The following PXK variants were observed in gnomAD, a reference collection of about 807,000 sequenced individuals.
The protein encoded by PXK is PX domain containing serine/threonine kinase like.
A neutral mutation model predicts 84.7 loss-of-function variants in PXK; 35 were observed. The observed-to-expected ratio is 0.41, with a 90% CI of 0.32 to 0.55. The LOEUF (loss-of-function observed/expected upper bound fraction) is 0.55, where lower values mean the gene tolerates loss of function less well. Among genes scored for constraint, PXK ranks in the 20% least tolerant of loss-of-function variants. PXK has a pLI of 0.21. For missense variants in PXK, 634 were observed against 699.7 expected (o/e 0.91, Z 1.06); for synonymous variants, 253 against 260.8 (o/e 0.97, Z 0.29).
At position 58,411,324 on chromosome 3, in the gene PXK, A is replaced by G. The variant is rs1223303509; in HGVS notation, c.1465+1165A>G. Among the ~76,000 whole-genome samples the G allele has an allele frequency of 6.6e-6, 1 of 152,202 alleles. No homozygotes were observed. The highest frequency in any genetic ancestry group is 1.5e-5 in the Non-Finnish European group (1 of 68,022). On this transcript the variant is annotated intron_variant, in intron 16 of 17. Transcript: ENST00000356151. This position sits in a 1 kb window ranked among gnomAD's most constrained non-coding sequence, Gnocchi z 4.2. ...CCATAAACTCCAGAAGGAGAGTGAG[A>G]GTCACATTGACACCACTGCAGAGTC... is the stretch of plus-strand genomic sequence containing the variant.
chr3:58,409,035 T>C lies in PXK; in HGVS notation c.1308+34T>C, dbSNP rs1265838729. 1.4e-6 allele frequency: 2 copies of C among 1,473,942 alleles called. No homozygotes were observed. Among genetic ancestry groups the C allele is most frequent in the Admixed American group, 1.7e-5 (1 of 58,258 alleles). The allele number at this position is 1,473,942 out of a possible 1,614,324, so 91.3% of individuals were successfully genotyped here. On this transcript the variant is annotated intron_variant, in intron 14 of 17. Transcript: ENST00000356151. This position sits in a 1 kb window ranked among gnomAD's most constrained non-coding sequence, Gnocchi z 4.2. The stretch of plus-strand genomic sequence containing the variant: ...ATAACGGTTCCTCTTTGCCTTTTAG[T>C]GTCCCCATCCTCTGCCGTGGTTTTT...
intron 4 of PXK, among the ~76,000 whole-genome samples, chr3:58,389,017 G>C (rs1248337091): frequency 6.6e-6 from 1 of 152,030 alleles, no homozygotes; most frequent in Non-Finnish European, 1.5e-5. Context: ...AGGGGAAATG[G>C]CAAATTACAG....
chr3:58,362,804 C>A (rs1266111589), intron 1 of PXK, among the ~76,000 whole-genome samples: 1 of 152,162 alleles, frequency 6.6e-6, no homozygotes, highest in Non-Finnish European at 1.5e-5. Flanking sequence ...GCTTCAGCCT[C>A]CCAGGCTCAA....
chr3:58,380,374 A>G (rs1393687398), intron 3 of PXK, among the ~76,000 whole-genome samples: 1 of 151,970 alleles, frequency 6.6e-6, no homozygotes, highest in East Asian at 1.9e-4. Flanking sequence ...TTGAGGCGAC[A>G]GTGGGCTATG....
chr3:58,357,613 C>A (rs1319158489), intron 1 of PXK, among the ~76,000 whole-genome samples: 1 of 152,170 alleles, frequency 6.6e-6, no homozygotes, highest in Non-Finnish European at 1.5e-5. Flanking sequence ...TCTGTGATGT[C>A]ACTAGGCAAT....
At chr3:58,402,755 CTTTT>C (rs34514925) in intron 12 of PXK, among the ~76,000 whole-genome samples, 14 of 130,396 alleles carry the variant, frequency 1.1e-4, no homozygotes, top group Admixed American at 1.5e-4. Context: ...TAATAATATA[CTTTT>C]TTTTTTTTTT....
intron 2 of PXK, among the ~76,000 whole-genome samples, chr3:58,367,976 T>C (rs1027420777): frequency 2.0e-5 from 3 of 152,168 alleles, no homozygotes; most frequent in Non-Finnish European, 4.4e-5. Context: ...TGAGCCACCA[T>C]GCCTGGCCTT....
rs943660128 is a variant in PXK at position 58,364,742 on chromosome 3, T to G, written c.103-1132T>G. ...AAAAAAATCATTATGAAGATCAAAT[T>G]ATGTATTTCATATTGAGTGAGTTGT... On this transcript the variant is annotated intron_variant, in intron 1 of 17. Transcript: ENST00000356151. The surrounding 1 kb of genome is among the most constrained non-coding windows in gnomAD (Gnocchi z 4.3). Among the ~76,000 whole-genome samples, 5 of 152,070 alleles carry G rather than the reference T, an allele frequency of 3.3e-5. No individual in the cohort carries two copies. Among genetic ancestry groups the G allele is most frequent in the Non-Finnish European group, 5.9e-5 (4 of 68,022 alleles).
chr3:58,397,323 C>G lies in PXK; in HGVS notation c.984+123C>G. The G allele has an allele frequency of 8.5e-7, 1 of 1,182,564 alleles. No individual in the cohort carries two copies. The highest frequency in any genetic ancestry group is 1.4e-5 in the South Asian group (1 of 71,800). 73.3% of individuals were successfully genotyped at this position (1,182,564 alleles called of 1,614,324 possible). On this transcript the variant is annotated intron_variant, in intron 10 of 17. Transcript: ENST00000356151. This position sits in a 1 kb window ranked among gnomAD's most constrained non-coding sequence, Gnocchi z 4.7. ...TATAGTTGGGACAGGCCTTGCCCGTCAGCCCTTGCAGCGTTGCTGTATCTC... is the reference window on the plus strand; with the variant it reads ...TATAGTTGGGACAGGCCTTGCCCGTGAGCCCTTGCAGCGTTGCTGTATCTC...
In PXK at chr3:58,332,960, C is replaced by T; in HGVS notation, c.-29C>T. 1.5e-6 allele frequency: 2 copies of T among 1,332,730 alleles called. No homozygotes were observed. The highest frequency in any genetic ancestry group is 3.8e-5 in the East Asian group (1 of 26,432). The allele number at this position is 1,332,730 out of a possible 1,614,324, so 82.6% of individuals were successfully genotyped here. ...GCGCCTCGGGTTCCTACCTCGCGTC[C>T]CTAGGCGGCGGCGGCCGGGCGTCCC... On this transcript the variant is annotated 5_prime_UTR_variant, in exon 1 of 18. Coordinates refer to ENST00000356151, the MANE Select transcript of PXK (RefSeq NM_017771.5). This position sits in a 1 kb window ranked among gnomAD's most constrained non-coding sequence, Gnocchi z 5.6.
intron 1 of PXK, among the ~76,000 whole-genome samples, chr3:58,353,436 T>A (rs1202118624): frequency 1.3e-5 from 2 of 152,258 alleles, no homozygotes; most frequent in Non-Finnish European, 2.9e-5. Flanking sequence ...CATTTTCATT[T>A]GTTTTGGGGC....
In PXK at chr3:58,424,997, T is replaced by G. The variant is rs2062633959; in HGVS notation, c.*37T>G. On this transcript the variant is annotated 3_prime_UTR_variant, in exon 18 of 18. Coordinates refer to ENST00000356151, the MANE Select transcript of PXK (RefSeq NM_017771.5). ...TACACTTGGAGGGAAAAGTTCTTTT[T>G]TATTCCTACTCACCCCTACCCCCCA... 1 of 1,609,770 alleles carries G rather than the reference T, an allele frequency of 6.2e-7. No homozygotes were observed.
At chr3:58,420,585 T>C (rs1278703433) in intron 17 of PXK, 3 of 1,536,078 alleles carry the variant, frequency 2.0e-6, no homozygotes, top group South Asian at 2.4e-5. Flanking sequence ...TAAACTATGC[T>C]GATTTCTCAG....
chr3:58,415,046 G>C (rs1055055472), intron 17 of PXK, among the ~76,000 whole-genome samples: 4 of 152,172 alleles, frequency 2.6e-5, no homozygotes, highest in African/African-American at 9.7e-5. Context: ...GCTCCAAAAT[G>C]ATAGACACTG....
intron 1 of PXK, among the ~76,000 whole-genome samples, chr3:58,353,732 G>C (rs1288915286): frequency 6.6e-6 from 1 of 152,198 alleles, no homozygotes; most frequent in Non-Finnish European, 1.5e-5. Flanking sequence ...TGTGCTGTGT[G>C]ACACTGTGAT....
At chr3:58,359,731 G>A (rs59956777) in intron 1 of PXK, among the ~76,000 whole-genome samples, 15,194 of 152,000 alleles carry the variant, frequency 0.1, 987 homozygotes, top group African/African-American at 0.17. Flanking sequence ...TCAGTAAAAC[G>A]AACCTAAGTT....
intron 4 of PXK, among the ~76,000 whole-genome samples, chr3:58,389,532 A>T (rs2098600970): frequency 6.6e-6 from 1 of 152,124 alleles, no homozygotes; most frequent in Admixed American, 6.5e-5. Context: ...TTTACATAGA[A>T]TTGCAGTGGG....
chr3:58,418,007 A>C (rs1242414693), intron 17 of PXK, among the ~76,000 whole-genome samples: 1 of 152,012 alleles, frequency 6.6e-6, no homozygotes, highest in African/African-American at 2.4e-5. Flanking sequence ...TTTTGTAGAG[A>C]CGGGTTTTGC....
chr3:58,343,860 G>T (rs1348718608), intron 1 of PXK, among the ~76,000 whole-genome samples: 1 of 152,172 alleles, frequency 6.6e-6, no homozygotes, highest in Non-Finnish European at 1.5e-5. Flanking sequence ...CTGCCAAGCG[G>T]GTTACGGGGT....
Sources: allele counts gnomAD v4.1 joint callset (sites outside exome capture counted in the v4.1 genomes callset), GRCh38; gene constraint gnomAD v4.1.1; non-coding constraint Gnocchi (gnomAD v3.1); transcripts MANE v1.5; gene names NCBI Gene and HGNC (gene_info 2026-07-23, HGNC 2026-07-21).